CACNA2D3: variants seen among roughly 807,000 people sequenced by gnomAD.
The protein encoded by CACNA2D3 is voltage-dependent calcium channel subunit alpha-2/delta-3.
CACNA2D3 carries 60 observed loss-of-function variants against 160.6 expected under a neutral mutation model. That is an observed-to-expected ratio of 0.37 (90% CI 0.30 to 0.46). The LOEUF (loss-of-function observed/expected upper bound fraction) is 0.46, where lower values mean the gene tolerates loss of function less well. CACNA2D3 is among the 20% of genes least tolerant of loss of function. The pLI is 1.00. For synonymous variants in CACNA2D3, 558 were observed against 492.9 expected (o/e 1.13, Z -1.75); for missense variants, 1,205 against 1,365.0 (o/e 0.88, Z 1.85).
In CACNA2D3 at chr3:54,696,313, C is replaced by G. The variant is rs532999025; in HGVS notation, c.1167+54072C>G. On this transcript the variant is annotated intron_variant, in intron 11 of 37. Transcript: ENST00000474759. Reference sequence around the variant, plus strand: ...CTGGAAGGTCCCCCCATTCCAGCAGCAGTGATATTCTGCATGGCAGGGCAG... The same window carrying G: ...CTGGAAGGTCCCCCCATTCCAGCAGGAGTGATATTCTGCATGGCAGGGCAG... 1.2e-4 allele frequency among the ~76,000 whole-genome samples: 18 copies of G among 152,272 alleles called. 1 individual carries two copies. In the South Asian group the frequency reaches 3.7e-3, roughly 32 times the overall value.
chr3:54,763,503 G>A (rs1048599463), intron 12 of CACNA2D3, among the ~76,000 whole-genome samples: 1 of 151,334 alleles, frequency 6.6e-6, no homozygotes, highest in African/African-American at 2.4e-5. Flanking sequence ...ATGGTTCCTA[G>A]TTTTTCCCTT....
intron 5 of CACNA2D3, among the ~76,000 whole-genome samples, chr3:54,506,409 G>C (rs1174873303): frequency 1.3e-5 from 2 of 152,168 alleles, no homozygotes; most frequent in Non-Finnish European, 2.9e-5. Flanking sequence ...ACTTGCCTAG[G>C]AGCTTCTGTG....
intron 8 of CACNA2D3, among the ~76,000 whole-genome samples, chr3:54,579,255 G>A (rs1397361278): frequency 1.3e-5 from 2 of 152,204 alleles, no homozygotes; most frequent in African/African-American, 2.4e-5. Context: ...ATAATGTCAT[G>A]TAAGAAGCCT....
At chr3:54,687,265 C>T (rs551554080) in intron 11 of CACNA2D3, among the ~76,000 whole-genome samples, 2 of 150,606 alleles carry the variant, frequency 1.3e-5, no homozygotes, top group African/African-American at 2.4e-5. Flanking sequence ...CTCAGCCTCC[C>T]GAGTAGCTGG....
chr3:54,684,639 A>G (rs1259288129), intron 11 of CACNA2D3, among the ~76,000 whole-genome samples: 1 of 152,202 alleles, frequency 6.6e-6, no homozygotes, highest in Non-Finnish European at 1.5e-5. Context: ...TGCAGTTTGA[A>G]TAGATAGTGT....
Position 54,790,779 on chromosome 3 carries a change from G to T in CACNA2D3, c.1381-26074G>T, listed in dbSNP as rs182807240. Among the ~76,000 whole-genome samples, 159 of 152,254 alleles carry T rather than the reference G, an allele frequency of 1.0e-3. 1 individual carries two copies. The highest frequency in any genetic ancestry group is 3.5e-3 in the African/African-American group (146 of 41,576). ...GCCCCTAGTGACTCACTGAGCTGGT[G>T]CTGTCACTGTGTGCCCTCCTACAGT... On this transcript the variant is annotated intron_variant, in intron 13 of 37. Transcript: ENST00000474759.
intron 8 of CACNA2D3, among the ~76,000 whole-genome samples, chr3:54,575,338 T>A (rs1158139777): frequency 1.3e-5 from 2 of 152,322 alleles, no homozygotes; most frequent in East Asian, 3.9e-4. Flanking sequence ...ACATAGCCAC[T>A]TACTTCCTTT....
chr3:54,675,558 TGGGCAGG>T (rs1449404770), intron 11 of CACNA2D3, among the ~76,000 whole-genome samples: 3 of 152,088 alleles, frequency 2.0e-5, no homozygotes, highest in Non-Finnish European at 4.4e-5. Context: ...GCTTAGGCAG[TGGGCAGG>T]GATGAGTCTA....
At chr3:54,974,346 A>G (rs1405366648) in intron 29 of CACNA2D3, among the ~76,000 whole-genome samples, 1 of 152,218 alleles carries the variant, frequency 6.6e-6, no homozygotes, top group Non-Finnish European at 1.5e-5. Context: ...AGTTGGTGCT[A>G]TCTCCATCTT....
chr3:54,776,431 C>G (rs1195038794), intron 13 of CACNA2D3, among the ~76,000 whole-genome samples: 1 of 152,112 alleles, frequency 6.6e-6, no homozygotes, highest in African/African-American at 2.4e-5. Context: ...GGGAGGATCA[C>G]TTGAGCCCTG....
intron 12 of CACNA2D3, among the ~76,000 whole-genome samples, chr3:54,763,928 G>T (rs1413347465): frequency 2.2e-5 from 3 of 137,166 alleles, no homozygotes; most frequent in Non-Finnish European, 4.7e-5. Flanking sequence ...AGTTAGGGAG[G>T]ATATTCTCCA....
At chr3:54,566,314 T>A (rs1702408261) in intron 6 of CACNA2D3, among the ~76,000 whole-genome samples, 1 of 152,232 alleles carries the variant, frequency 6.6e-6, no homozygotes, top group East Asian at 1.9e-4. Context: ...TTCCTTCTGA[T>A]GCTTTATGAC....
intron 35 of CACNA2D3, among the ~76,000 whole-genome samples, chr3:55,061,601 A>G (rs1013168739): frequency 6.6e-6 from 1 of 152,252 alleles, no homozygotes; most frequent in Non-Finnish European, 1.5e-5. Context: ...GGTTAAGACC[A>G]AGATCCAGGT....
Position 54,879,327 on chromosome 3 carries a change from CTTTTT to C in CACNA2D3, c.1783-13_1783-9del. On this transcript the variant is annotated intron_variant, in intron 19 of 37. Coordinates refer to ENST00000474759, the MANE Select transcript of CACNA2D3 (RefSeq NM_018398.3). Reference sequence around the variant, plus strand: ...TAACCATGTTTTCTTTTCTCTACGACTTTTTTTTTTTTTTCAATCTAGAAACGGGT... The same window carrying C: ...TAACCATGTTTTCTTTTCTCTACGACTTTTTTTTTCAATCTAGAAACGGGT... The C allele has an allele frequency of 7.2e-7, 1 of 1,387,704 alleles. No homozygotes were observed. The highest frequency in any genetic ancestry group is 2.1e-5 in the Admixed American group (1 of 47,064). 86.0% of individuals were successfully genotyped at this position (1,387,704 alleles called of 1,614,324 possible). A position where few individuals can be genotyped will look rare whatever the true frequency, so the allele number is the denominator to read the frequency against.
intron 2 of CACNA2D3, among the ~76,000 whole-genome samples, chr3:54,155,624 T>C (rs770183667): frequency 6.6e-6 from 1 of 152,202 alleles, no homozygotes; most frequent in Non-Finnish European, 1.5e-5. Flanking sequence ...GTTTTTCTCT[T>C]AACACAAGCA....
chr3:54,624,317 G>A (rs1207049418), intron 9 of CACNA2D3, among the ~76,000 whole-genome samples: 1 of 152,150 alleles, frequency 6.6e-6, no homozygotes, highest in East Asian at 1.9e-4. Context: ...ATGTTGTGCA[G>A]GTTGTTTAAA....
intron 29 of CACNA2D3, among the ~76,000 whole-genome samples, chr3:54,978,283 C>G (rs1341138713): frequency 6.6e-6 from 1 of 152,154 alleles, no homozygotes; most frequent in Non-Finnish European, 1.5e-5. Context: ...TCAAACACCT[C>G]TAACATTTCC....
chr3:54,488,072 A>C (rs1485068323), intron 4 of CACNA2D3, among the ~76,000 whole-genome samples: 4 of 152,218 alleles, frequency 2.6e-5, no homozygotes, highest in African/African-American at 7.2e-5. Context: ...AGGCAGGATG[A>C]ACAGTAAATG....
At chr3:54,165,102 T>C (rs1382442090) in intron 2 of CACNA2D3, among the ~76,000 whole-genome samples, 1 of 147,486 alleles carries the variant, frequency 6.8e-6, no homozygotes, top group Non-Finnish European at 1.5e-5. Flanking sequence ...ATGCTTGACT[T>C]CTCTGAATCT....
Sources: allele counts gnomAD v4.1 joint callset (sites outside exome capture counted in the v4.1 genomes callset), GRCh38; gene constraint gnomAD v4.1.1; transcripts MANE v1.5; gene names NCBI Gene and HGNC (gene_info 2026-07-23, HGNC 2026-07-21).